The following SLC25A16 variants were observed in gnomAD, a reference collection of about 807,000 sequenced individuals.
The protein encoded by SLC25A16 is mitochondrial coenzyme A transporter SLC25A16.
Under a neutral mutation model 41.5 loss-of-function variants are expected in SLC25A16, and 39 were observed. That is an observed-to-expected ratio of 0.94 (90% CI 0.73 to 1.23). The LOEUF (loss-of-function observed/expected upper bound fraction) is 1.23, where lower values mean the gene tolerates loss of function less well. SLC25A16 is among the 50% of genes most tolerant of loss of function. SLC25A16 has a pLI of 0.00. For synonymous variants in SLC25A16, 146 were observed against 147.8 expected, an observed-to-expected ratio of 0.99 and a Z score of 0.09; for missense variants, 421 against 426.9, an observed-to-expected ratio of 0.99 and a Z score of 0.12.
At chr10:68,492,964 AAT>A (rs765715085) in intron 6 of SLC25A16, among the ~76,000 whole-genome samples, 166 bp downstream of exon 6, 2 of 151,976 alleles carry the variant, frequency 1.3e-5, no homozygotes, top group Admixed American at 6.6e-5. Flanking sequence ...ATTATACACG[AAT>A]AGTCATCTTT....
chr10:68,510,809 G>A (rs1273953535), intron 2 of SLC25A16, among the ~76,000 whole-genome samples: 3 of 152,160 alleles, frequency 2.0e-5, no homozygotes, highest in Non-Finnish European at 4.4e-5. Context: ...CTGCACTCCC[G>A]CCTGGGCGAC....
At chr10:68,523,525 T>G (rs2053283290) in intron 1 of SLC25A16, among the ~76,000 whole-genome samples, 1 of 152,060 alleles carries the variant, frequency 6.6e-6, no homozygotes, top group Non-Finnish European at 1.5e-5. Context: ...CAGGCTGGAG[T>G]GCAGTGGAGC....
intron 1 of SLC25A16, among the ~76,000 whole-genome samples, chr10:68,526,770 ATC>A: frequency 6.6e-6 from 1 of 152,222 alleles, no homozygotes; most frequent in South Asian, 2.1e-4. Context: ...GTTTACTAGA[ATC>A]ACTGGAACCA....
intron 4 of SLC25A16, among the ~76,000 whole-genome samples, chr10:68,499,118 G>T (rs575778782): frequency 6.6e-6 from 1 of 152,252 alleles, no homozygotes; most frequent in East Asian, 1.9e-4. Flanking sequence ...AAAAAGGAGG[G>T]TTGGGGGAGA....
At chr10:68,510,083 T>C (rs754774391) in intron 2 of SLC25A16, among the ~76,000 whole-genome samples, 1 of 151,226 alleles carries the variant, frequency 6.6e-6, no homozygotes, top group Non-Finnish European at 1.5e-5. Flanking sequence ...TCTCAAAAAA[T>C]AAATAAATAC....
chr10:68,479,901 A>G lies in SLC25A16; in HGVS notation c.*3531T>C, dbSNP rs985393288. On this transcript the variant is annotated 3_prime_UTR_variant, in exon 9 of 9. Transcript: ENST00000609923. ...GTAGCACATAGCTGTAATCCCAGTT[A>G]CTTGGAAAGATGACTCGGGAAAATC... is the stretch of plus-strand genomic sequence containing the variant. 2 of 151,910 alleles carry G rather than the reference A, an allele frequency of 1.3e-5. No homozygotes were observed. Among genetic ancestry groups the G allele is most frequent in the African/African-American group, 4.8e-5 (2 of 41,352 alleles). 9.4% of individuals were successfully genotyped at this position (151,910 alleles called of 1,614,324 possible). A position where few individuals can be genotyped will look rare whatever the true frequency, so the allele number is the denominator to read the frequency against.
intron 2 of SLC25A16, among the ~76,000 whole-genome samples, chr10:68,513,903 AAAT>A: frequency 6.6e-6 from 1 of 152,138 alleles, no homozygotes; most frequent in Non-Finnish European, 1.5e-5. Context: ...AAGCTAACGC[AAAT>A]AATGTTTTGG....
intron 4 of SLC25A16, among the ~76,000 whole-genome samples, chr10:68,498,095 A>G (rs1415755670): frequency 6.6e-6 from 1 of 152,052 alleles, no homozygotes; most frequent in East Asian, 1.9e-4. Context: ...GTAAGTAAAA[A>G]AGCCAAAGGA....
At chr10:68,511,390 C>T (rs577173584) in intron 2 of SLC25A16, among the ~76,000 whole-genome samples, 1 of 152,252 alleles carries the variant, frequency 6.6e-6, no homozygotes, top group East Asian at 1.9e-4. Flanking sequence ...ATTTTATATG[C>T]CTTGTAGGGT....
chr10:68,487,608 T>A (rs1297430466), intron 7 of SLC25A16, among the ~76,000 whole-genome samples: 2 of 152,184 alleles, frequency 1.3e-5, no homozygotes, highest in African/African-American at 4.8e-5. Context: ...GCACTAGAGA[T>A]GTTTAAGCAC....
At chr10:68,491,825 G>T (rs914563401) in intron 6 of SLC25A16, among the ~76,000 whole-genome samples, 2 of 152,060 alleles carry the variant, frequency 1.3e-5, no homozygotes, top group African/African-American at 4.8e-5. Context: ...TTGATTGATT[G>T]ATTGATTGAC....
intron 8 of SLC25A16, among the ~76,000 whole-genome samples, chr10:68,486,705 C>G (rs1224004146): frequency 6.6e-6 from 1 of 151,704 alleles, no homozygotes; most frequent in African/African-American, 2.4e-5. Flanking sequence ...AGGATTAGAA[C>G]CTGATTATAG....
chr10:68,492,953 A>ACTT (rs60332770), intron 6 of SLC25A16, among the ~76,000 whole-genome samples, 179 bp downstream of exon 6: 38,828 of 151,834 alleles, frequency 0.26, 5,793 homozygotes, highest in African/African-American at 0.39. Context: ...GTACTTCTCC[A>ACTT]ATTATACACG....
chr10:68,488,689 C>T lies in SLC25A16; in HGVS notation c.611-60G>A. On this transcript the variant is annotated intron_variant, in intron 6 of 8. Coordinates refer to ENST00000609923, the MANE Select transcript of SLC25A16 (RefSeq NM_152707.4). ...AACATAACATGAGCTGTGAAAAAGACACCATTCTTAAATAATAAACACATT... is the reference window on the plus strand; with the variant it reads ...AACATAACATGAGCTGTGAAAAAGATACCATTCTTAAATAATAAACACATT... 4 of 1,322,444 alleles carry T rather than the reference C, an allele frequency of 3.0e-6. 1 individual carries two copies. The South Asian group carries it at 5.2e-5, about 17-fold the overall frequency. 81.9% of individuals were successfully genotyped at this position (1,322,444 alleles called of 1,614,324 possible).
chr10:68,512,695 G>A (rs1255742776), intron 2 of SLC25A16, among the ~76,000 whole-genome samples: 2 of 143,348 alleles, frequency 1.4e-5, no homozygotes, highest in Non-Finnish European at 3.1e-5. Context: ...TGGATATGAA[G>A]ATAGTTGCAA....
chr10:68,494,002 T>C (rs1291183369), intron 4 of SLC25A16, among the ~76,000 whole-genome samples: 3 of 152,234 alleles, frequency 2.0e-5, no homozygotes, highest in Non-Finnish European at 4.4e-5. Flanking sequence ...GCATCTGTAA[T>C]GACCATGTAC....
At chr10:68,489,832 C>T (rs2052626516) in intron 6 of SLC25A16, among the ~76,000 whole-genome samples, 1 of 145,180 alleles carries the variant, frequency 6.9e-6, no homozygotes, top group Admixed American at 7.2e-5. Flanking sequence ...ACCCGGGAGG[C>T]GGAGGATGCA....
chr10:68,506,704 A>G lies in SLC25A16; in HGVS notation c.238T>C (p.Leu80=). 6.3e-7 allele frequency: 1 copy of G among 1,577,674 alleles called. No individual in the cohort carries two copies. The highest frequency in any genetic ancestry group is 1.2e-5 in the South Asian group (1 of 84,836). Residue 80 remains leucine (L), a synonymous_variant, in exon 3 of 9, where the codon TTG becomes CTG. Transcript: ENST00000609923. ...CCTTCTTTTTGAGGAACAGCACGCA[A>G]TGCAGAAAATACTCCTATTTTTAGA... The part of the protein sequence containing the change: ...HYKHLGVFSA[L]RAVPQKEGFL...
intron 1 of SLC25A16, among the ~76,000 whole-genome samples, chr10:68,524,085 C>A (rs902030834): frequency 2.6e-5 from 4 of 151,710 alleles, no homozygotes; most frequent in Non-Finnish European, 5.9e-5. Flanking sequence ...TCAAGGCGGG[C>A]GGATCACGAG....
Sources: allele counts gnomAD v4.1 joint callset (sites outside exome capture counted in the v4.1 genomes callset), GRCh38; gene constraint gnomAD v4.1.1; transcripts MANE v1.5; gene names NCBI Gene and HGNC (gene_info 2026-07-23, HGNC 2026-07-21).